The following CCDC71 variants were observed in gnomAD, a reference collection of about 807,000 sequenced individuals.
The protein encoded by CCDC71 is coiled-coil domain-containing protein 71.
For synonymous variants in CCDC71, 257 were observed against 242.2 expected (o/e 1.06, Z -0.57); for missense variants, 594 against 604.0 (o/e 0.98, Z 0.17).
chr3:49,163,489 A>C lies in CCDC71; in HGVS notation c.720T>G (p.Thr240=), dbSNP rs757467308. The part of the protein sequence containing the change: ...KTTSKGPKCL[T]RKGPGAGPRR... ...GGGGTCCAGCCCCAGGGCCTTTGCG[A>C]GTCAGACACTTGGGGCCCTTGCTTG... Residue 240 remains threonine, a synonymous_variant, in exon 2 of 2, where the codon ACT becomes ACG. Coordinates refer to ENST00000321895, the MANE Select transcript of CCDC71 (RefSeq NM_022903.4). 5.0e-6 allele frequency: 8 copies of C among 1,614,194 alleles called. No homozygotes were observed. Among genetic ancestry groups the C allele is most frequent in the Middle Eastern group, 3.3e-4 (2 of 6,060 alleles).
At position 49,162,648 on chromosome 3, in the gene CCDC71, A is replaced by AACCCCC; in HGVS notation, c.*156_*157insGGGGGT. On this transcript the variant is annotated 3_prime_UTR_variant, in exon 2 of 2. Transcript: ENST00000321895. ...CCGCCCACCCACCCCACCGTACCCC[A>AACCCCC]CCCACTCTGGTTTCTGAAAGGAGGC... 1 of 18,160 alleles carries AACCCCC rather than the reference A, an allele frequency of 5.5e-5. No individual in the cohort carries two copies. Among genetic ancestry groups the AACCCCC allele is most frequent in the Non-Finnish European group, 9.5e-5 (1 of 10,546 alleles). The allele number at this position is 18,160 out of a possible 1,614,324, so 1.1% of individuals were successfully genotyped here. A position where few individuals can be genotyped will look rare whatever the true frequency, so the allele number is the denominator to read the frequency against.
chr3:49,164,338 G>A, intron 1 of CCDC71, 78 bp from the exon 2 acceptor site: 1 of 824,822 alleles, frequency 1.2e-6, no homozygotes, highest in Non-Finnish European at 1.9e-6. Flanking sequence ...GTCAATCAGT[G>A]CCCCAATCTC....
chr3:49,162,947 G>A lies in CCDC71; in HGVS notation c.1262C>T (p.Ala421Val). The change falls in exon 2 of 2, where the codon GCA becomes GTA. Residue 421 changes from alanine (A) to valine (V), a missense_variant. Physicochemically the swap from Ala to Val is moderately conservative, Grantham distance 64. Coordinates refer to ENST00000321895, the MANE Select transcript of CCDC71 (RefSeq NM_022903.4). Reference protein sequence around the residue: ...SPKAWLGPGTAKLLKFRAIKV... With the variant: ...SPKAWLGPGTVKLLKFRAIKV... ...TATGGCACGGAACTTCAGCAGCTTT[G>A]CTGTTCCAGGCCCTAGCCATGCCTT... 1.2e-6 allele frequency: 2 copies of A among 1,614,270 alleles called. No homozygotes were observed. The highest frequency in any genetic ancestry group is 1.3e-5 in the African/African-American group (1 of 75,078).
At chr3:49,165,250 G>A (rs1189776540) in intron 1 of CCDC71, among the ~76,000 whole-genome samples, 3 of 152,354 alleles carry the variant, frequency 2.0e-5, no homozygotes, top group South Asian at 4.1e-4. Flanking sequence ...AGGATGGTGA[G>A]TCAAGGGGAC....
At position 49,164,277 on chromosome 3, in the gene CCDC71, A is replaced by G. The variant is rs138740450; in HGVS notation, c.-52-17T>C. On this transcript the variant is annotated splice_polypyrimidine_tract_variant and intron_variant, in intron 1 of 1. Coordinates refer to ENST00000321895, the MANE Select transcript of CCDC71 (RefSeq NM_022903.4). Reference sequence around the variant, plus strand: ...GCTTGGCACCTCCAAGACAAGAGGAAAAGAGTCAATAAGAATGGCACTAAG... The same window carrying G: ...GCTTGGCACCTCCAAGACAAGAGGAGAAGAGTCAATAAGAATGGCACTAAG... 1 of 1,483,070 alleles carries G rather than the reference A, an allele frequency of 6.7e-7. No homozygotes were observed. Among genetic ancestry groups the G allele is most frequent in the African/African-American group, 1.4e-5 (1 of 72,106 alleles). The allele number at this position is 1,483,070 out of a possible 1,614,324, so 91.9% of individuals were successfully genotyped here.
chr3:49,164,340 C>T (rs1042550036), intron 1 of CCDC71, 80 bp from the exon 2 acceptor site: 3 of 814,686 alleles, frequency 3.7e-6, no homozygotes, highest in Non-Finnish European at 5.9e-6. Flanking sequence ...CAATCAGTGC[C>T]CCAATCTCCA....
In CCDC71 at chr3:49,164,249, AG is replaced by A. The variant is rs1226824806; in HGVS notation, c.-42del. 1 of 1,576,798 alleles carries A rather than the reference AG, an allele frequency of 6.3e-7. No homozygotes were observed. Among genetic ancestry groups the A allele is most frequent in the Non-Finnish European group, 8.7e-7 (1 of 1,153,926 alleles). Reference sequence around the variant, plus strand: ...AGATCTGCCTGGGTATCCGCAAACCAGCGCTTGGCACCTCCAAGACAAGAGG... The same window carrying A: ...AGATCTGCCTGGGTATCCGCAAACCACGCTTGGCACCTCCAAGACAAGAGG... On this transcript the variant is annotated 5_prime_UTR_variant, in exon 2 of 2. It removes the in-frame stop codon of an upstream open reading frame in the 5' UTR. Transcript: ENST00000321895.
rs145288601 is a variant in CCDC71 at position 49,163,460 on chromosome 3, C to T, written c.749G>A (p.Arg250Gln). 237 of 1,614,234 alleles carry T rather than the reference C, an allele frequency of 1.5e-4. No homozygotes were observed. The highest frequency in any genetic ancestry group is 1.8e-4 in the Non-Finnish European group (218 of 1,180,048). Residue 250 changes from arginine to glutamine, a missense_variant, in exon 2 of 2, where the codon CGA becomes CAA. Physicochemically the swap from Arg to Gln is conservative, Grantham distance 43 (BLOSUM62 1). Coordinates refer to ENST00000321895, the MANE Select transcript of CCDC71 (RefSeq NM_022903.4). ...TRKGPGAGPR[R>Q]GSGHQSKTNR... The stretch of plus-strand genomic sequence containing the variant: ...GGTTTTGCTCTGGTGCCCAGAGCCT[C>T]GTCGGGGTCCAGCCCCAGGGCCTTT...
Position 49,163,716 on chromosome 3 carries a change from G to A in CCDC71, c.493C>T (p.Leu165Phe). The A allele has an allele frequency of 6.2e-7, 1 of 1,614,110 alleles. No individual in the cohort carries two copies. The highest frequency in any genetic ancestry group is 8.5e-7 in the Non-Finnish European group (1 of 1,180,020). Residue 165 changes from leucine to phenylalanine, a missense_variant, in exon 2 of 2, where the codon CTT (leucine) becomes TTT (phenylalanine). Transcript: ENST00000321895. ...RGAAVGFPTH[L>F]YPGVYPAMRL... ...ATGGCAGGGTAGACACCTGGATAAA[G>A]GTGGGTGGGGAAGCCCACTGCTGCA... is the stretch of plus-strand genomic sequence containing the variant.
At position 49,163,238 on chromosome 3, in the gene CCDC71, G is replaced by A; in HGVS notation, c.971C>T (p.Ala324Val). The change falls in exon 2 of 2, where the codon GCT (alanine) becomes GTT (valine). Residue 324 changes from alanine (A) to valine (V), a missense_variant. Coordinates refer to ENST00000321895, the MANE Select transcript of CCDC71 (RefSeq NM_022903.4). The part of the protein sequence containing the change: ...KAAQVKAKAK[A>V]KAAQVKAKAK... ...CTTGGCCTTGACCTGTGCTGCCTTAGCTTTGGCCTTAGCCTTGACCTGTGC... is the reference window on the plus strand; with the variant it reads ...CTTGGCCTTGACCTGTGCTGCCTTAACTTTGGCCTTAGCCTTGACCTGTGC... 2 of 1,571,874 alleles carry A rather than the reference G, an allele frequency of 1.3e-6. No homozygotes were observed. Among genetic ancestry groups the A allele is most frequent in the South Asian group, 2.3e-5 (2 of 87,962 alleles).
Position 49,162,958 on chromosome 3 carries a change from C to A in CCDC71, c.1251G>T (p.Gly417=), listed in dbSNP as rs200635627. 29 of 1,614,150 alleles carry A rather than the reference C, an allele frequency of 1.8e-5. No homozygotes were observed. Among genetic ancestry groups the A allele is most frequent in the Admixed American group, 3.3e-5 (2 of 60,016 alleles). The change falls in exon 2 of 2, where the codon GGG becomes GGT. Residue 417 remains glycine (G), a synonymous_variant. Transcript: ENST00000321895. ...LGPRSPKAWL[G]PGTAKLLKFR... ...ACTTCAGCAGCTTTGCTGTTCCAGG[C>A]CCTAGCCATGCCTTAGGAGATCGGG... is the stretch of plus-strand genomic sequence containing the variant.
chr3:49,165,146 A>G (rs895962889), intron 1 of CCDC71, among the ~76,000 whole-genome samples: 1 of 152,218 alleles, frequency 6.6e-6, no homozygotes, highest in African/African-American at 2.4e-5. Flanking sequence ...GCAGGTGCCA[A>G]TGACATCTCT....
In CCDC71 at chr3:49,162,903, A is replaced by C. The variant is rs1490382205; in HGVS notation, c.1306T>G (p.Ser436Ala). The C allele has an allele frequency of 6.2e-7, 1 of 1,614,238 alleles. No individual in the cohort carries two copies. The highest frequency in any genetic ancestry group is 1.7e-5 in the Admixed American group (1 of 60,032). ...FRAIKVDRRSSDDEVRQRAQR... is the reference protein window; with the variant it reads ...FRAIKVDRRSADDEVRQRAQR... ...GCCCGCTGCCGCACCTCATCATCCG[A>C]GGACCGCCTATCTACCTTTATGGCA... The change falls in exon 2 of 2, where the codon TCG (serine) becomes GCG (alanine). Residue 436 changes from serine to alanine, a missense_variant. Physicochemically the swap from Ser to Ala is moderately conservative, Grantham distance 99. Transcript: ENST00000321895.
In CCDC71 at chr3:49,165,212, AG is replaced by A. The variant is rs563031217; in HGVS notation, c.-52-953del. On this transcript the variant is annotated intron_variant, in intron 1 of 1. Coordinates refer to ENST00000321895, the MANE Select transcript of CCDC71 (RefSeq NM_022903.4). ...AGCCAGACCAAGATCCCAAAGTTTA[AG>A]GACAATGGGAGCCAAAGGCTGCAAG... is the stretch of plus-strand genomic sequence containing the variant. Among the ~76,000 whole-genome samples, 410 of 152,320 alleles carry A rather than the reference AG, an allele frequency of 2.7e-3. 1 individual carries two copies. Among genetic ancestry groups the A allele is most frequent in the Non-Finnish European group, 4.5e-3 (305 of 68,016 alleles).
intron 1 of CCDC71, among the ~76,000 whole-genome samples, chr3:49,164,973 T>C (rs945480238): frequency 1.3e-5 from 2 of 152,314 alleles, no homozygotes; most frequent in African/African-American, 2.4e-5. Context: ...CTGCTGTTCA[T>C]GTGTGGAGCT....
At chr3:49,165,126 C>T (rs2045715589) in intron 1 of CCDC71, among the ~76,000 whole-genome samples, 1 of 152,222 alleles carries the variant, frequency 6.6e-6, no homozygotes, top group Non-Finnish European at 1.5e-5. Flanking sequence ...AACTAAAAAG[C>T]TGATGAGTAG....
chr3:49,165,675 G>C (rs1433408289), intron 1 of CCDC71, among the ~76,000 whole-genome samples: 1 of 152,276 alleles, frequency 6.6e-6, no homozygotes, highest in South Asian at 2.1e-4. Flanking sequence ...CCTTGCACAT[G>C]ACTTTAGTTC....
chr3:49,165,559 G>A (rs575085079), intron 1 of CCDC71, among the ~76,000 whole-genome samples: 10 of 152,378 alleles, frequency 6.6e-5, no homozygotes, highest in African/African-American at 2.2e-4. Context: ...GAAGTCTTCA[G>A]AATACCCTGG....
rs192085092 is a variant in CCDC71 at position 49,164,661 on chromosome 3, T to A, written c.-52-401A>T. The stretch of plus-strand genomic sequence containing the variant: ...AGGCCAGAAAAAGACACTGTTAAGA[T>A]TCTTGGGAGTGAATGCTGGCATTCA... On this transcript the variant is annotated intron_variant, in intron 1 of 1. Transcript: ENST00000321895. 3.3e-5 allele frequency among the ~76,000 whole-genome samples: 5 copies of A among 152,350 alleles called. No homozygotes were observed. The East Asian group carries it at 5.8e-4, about 18-fold the overall frequency.
Sources: allele counts gnomAD v4.1 joint callset (sites outside exome capture counted in the v4.1 genomes callset), GRCh38; gene constraint gnomAD v4.1.1; transcripts MANE v1.5; gene names NCBI Gene and HGNC (gene_info 2026-07-23, HGNC 2026-07-21).